PTPRD: variants seen among roughly 807,000 people sequenced by gnomAD.
The protein encoded by PTPRD is protein tyrosine phosphatase receptor type D.
Under a neutral mutation model 214.5 loss-of-function variants are expected in PTPRD, and 34 were observed. That is an observed-to-expected ratio of 0.16 (90% CI 0.12 to 0.21). The LOEUF (loss-of-function observed/expected upper bound fraction) is 0.21, where lower values mean the gene tolerates loss of function less well. Ranked by LOEUF, PTPRD falls within the 10% of genes least tolerant of loss-of-function variation. The probability of loss-of-function intolerance (pLI) is 1.00; values close to 1 mark genes in which losing one functional copy is unlikely to be tolerated. For missense variants in PTPRD, 2,545 were observed against 2,398.7 expected, an observed-to-expected ratio of 1.06 and a Z score of -1.27; for synonymous variants, 1,128 against 845.7, an observed-to-expected ratio of 1.33 and a Z score of -5.79.
chr9:10,028,106 T>A (rs2096965983), intron 4 of PTPRD, among the ~76,000 whole-genome samples: 1 of 152,168 alleles, frequency 6.6e-6, no homozygotes, highest in African/African-American at 2.4e-5. Context: ...TTTCTTGTGC[T>A]GTTCTTATGA....
chr9:10,502,116 C>T (rs2043959017), intron 2 of PTPRD, among the ~76,000 whole-genome samples: 1 of 151,748 alleles, frequency 6.6e-6, no homozygotes, highest in Non-Finnish European at 1.5e-5. Context: ...AGAAAACAAA[C>T]ATTTCATGGT....
intron 11 of PTPRD, among the ~76,000 whole-genome samples, chr9:8,911,386 CCA>C (rs1325645302): frequency 7.5e-6 from 1 of 133,300 alleles, no homozygotes; most frequent in Non-Finnish European, 1.7e-5. Context: ...AACTGGATGC[CCA>C]TGTGTGTGTC....
intron 8 of PTPRD, among the ~76,000 whole-genome samples, chr9:9,409,487 T>A (rs551281471): frequency 6.6e-6 from 1 of 152,100 alleles, no homozygotes; most frequent in Admixed American, 6.6e-5. Flanking sequence ...ATTAAACTAA[T>A]TCAAGACCAG....
At chr9:8,454,543 T>C (rs749863864) in intron 33 of PTPRD, 23 of 1,610,950 alleles carry the variant, frequency 1.4e-5, no homozygotes, top group Middle Eastern at 1.6e-4. Flanking sequence ...ATTTTTTTCT[T>C]ACTGAACATT....
intron 7 of PTPRD, among the ~76,000 whole-genome samples, chr9:9,697,706 A>G (rs901747976): frequency 2.0e-5 from 3 of 152,068 alleles, no homozygotes; most frequent in Non-Finnish European, 4.4e-5. Flanking sequence ...TGACCTGCAT[A>G]TTTATATAGT....
intron 8 of PTPRD, among the ~76,000 whole-genome samples, chr9:9,532,741 T>C (rs1035340519): frequency 4.6e-5 from 7 of 152,182 alleles, no homozygotes; most frequent in African/African-American, 1.7e-4. Context: ...AAGGCTTCCA[T>C]TTCAATCTTG....
chr9:9,909,197 C>T (rs1187563683), intron 5 of PTPRD, among the ~76,000 whole-genome samples: 1 of 151,766 alleles, frequency 6.6e-6, no homozygotes, highest in Non-Finnish European at 1.5e-5. Flanking sequence ...ACATTTCTAC[C>T]TGAAATGGCA....
chr9:9,641,752 C>T (rs1453605977), intron 7 of PTPRD, among the ~76,000 whole-genome samples: 2 of 151,972 alleles, frequency 1.3e-5, no homozygotes, highest in African/African-American at 4.8e-5. Flanking sequence ...GAAGAAACTC[C>T]CCAGGCCTCC....
At chr9:9,913,668 G>A (rs2079865517) in intron 5 of PTPRD, among the ~76,000 whole-genome samples, 1 of 152,100 alleles carries the variant, frequency 6.6e-6, no homozygotes, top group Admixed American at 6.6e-5. Flanking sequence ...GAAAAGGTAA[G>A]CAGAAGAACC....
chr9:9,681,509 A>C (rs1402529648), intron 7 of PTPRD, among the ~76,000 whole-genome samples: 1 of 151,676 alleles, frequency 6.6e-6, no homozygotes, highest in Admixed American at 6.6e-5. Flanking sequence ...CATAAGCCCT[A>C]CTGAAAGTAA....
chr9:10,032,842 T>A (rs1193173595), intron 4 of PTPRD, among the ~76,000 whole-genome samples: 2 of 151,254 alleles, frequency 1.3e-5, no homozygotes, highest in Non-Finnish European at 2.9e-5. Context: ...ATGCAATTTA[T>A]ATTTTTTTAC....
chr9:9,753,952 C>T (rs1362028375), intron 6 of PTPRD, among the ~76,000 whole-genome samples: 1 of 152,000 alleles, frequency 6.6e-6, no homozygotes, highest in Non-Finnish European at 1.5e-5. Context: ...CTCAGATGTT[C>T]TTCCCATAAG....
chr9:9,374,793 A>C (rs1041806201), intron 9 of PTPRD, among the ~76,000 whole-genome samples: 5 of 152,202 alleles, frequency 3.3e-5, no homozygotes, highest in Admixed American at 2.0e-4. Context: ...ACATTGGGCA[A>C]GGTCTGAAAC....
chr9:10,572,103 C>T (rs7025227), intron 2 of PTPRD, among the ~76,000 whole-genome samples: 24,350 of 151,912 alleles, frequency 0.16, 2,494 homozygotes, highest in East Asian at 0.5. Context: ...CATAAGGCCA[C>T]GATTATTAGA....
intron 11 of PTPRD, among the ~76,000 whole-genome samples, chr9:8,788,027 A>T (rs1269438582): frequency 6.6e-6 from 1 of 152,158 alleles, no homozygotes; most frequent in African/African-American, 2.4e-5. Flanking sequence ...AAATGAATCC[A>T]GTTTAGTTAC....
At chr9:9,490,593 T>G (rs1198201809) in intron 8 of PTPRD, among the ~76,000 whole-genome samples, 2 of 152,016 alleles carry the variant, frequency 1.3e-5, no homozygotes, top group East Asian at 3.8e-4. Context: ...CCAAAAACAG[T>G]GGGGACATAG....
chr9:9,810,975 C>T (rs896601098), intron 5 of PTPRD, among the ~76,000 whole-genome samples: 2 of 151,892 alleles, frequency 1.3e-5, no homozygotes, highest in Admixed American at 6.6e-5. Flanking sequence ...CACTCGCTCA[C>T]GTCTGTAATC....
intron 11 of PTPRD, among the ~76,000 whole-genome samples, chr9:8,886,918 A>T (rs1865206): frequency 0.083 from 12,589 of 152,312 alleles, 752 homozygotes; most frequent in Non-Finnish European, 0.12. Flanking sequence ...TTCATGGTAG[A>T]TACCGAATAA....
intron 8 of PTPRD, among the ~76,000 whole-genome samples, chr9:9,526,952 G>C (rs979946210): frequency 6.6e-6 from 1 of 152,040 alleles, no homozygotes; most frequent in Non-Finnish European, 1.5e-5. Context: ...TGGAGTCAAG[G>C]AGGTATTTCA....
Sources: allele counts gnomAD v4.1 joint callset (sites outside exome capture counted in the v4.1 genomes callset), GRCh38; gene constraint gnomAD v4.1.1; transcripts MANE v1.5; gene names NCBI Gene and HGNC (gene_info 2026-07-23, HGNC 2026-07-21).